Variants in PRSS38 observed in about 807,000 individuals in gnomAD.
PRSS38 encodes the protein marapsin 2.
Under a neutral mutation model 26.8 loss-of-function variants are expected in PRSS38, and 22 were observed. The ratio of observed to expected loss-of-function variants is 0.82; its 90% CI spans 0.59 to 1.17. The LOEUF (loss-of-function observed/expected upper bound fraction) is 1.17. Among genes scored for constraint, PRSS38 ranks in the 50% most tolerant of loss-of-function variants. The pLI, the probability that PRSS38 is intolerant of heterozygous loss-of-function variation, is 0.00. For missense variants in PRSS38, 427 were observed against 422.7 expected (o/e 1.01, Z -0.09); for synonymous variants, 175 against 172.1 (o/e 1.02, Z -0.13).
At chr1:227,821,726 A>G (rs1259535361) in intron 3 of PRSS38, among the ~76,000 whole-genome samples, 1 of 152,180 alleles carries the variant, frequency 6.6e-6, no homozygotes, top group Non-Finnish European at 1.5e-5. Context: ...GGATCCTTGT[A>G]CATGACTAGA....
chr1:227,815,742 G>C, exon 1 of PRSS38: 1 of 1,602,120 alleles, frequency 6.2e-7, no homozygotes, highest in Non-Finnish European at 8.5e-7. Flanking sequence ...TCCGTCATGG[G>C]CCCACTCGGG....
chr1:227,823,409 A>AT (rs1489453980), intron 3 of PRSS38, among the ~76,000 whole-genome samples: 1 of 151,344 alleles, frequency 6.6e-6, no homozygotes, highest in South Asian at 2.1e-4. Context: ...GTTTGGTTCT[A>AT]TTTTTTTTCT....
exon 1 of PRSS38, chr1:227,815,702 G>C: frequency 6.4e-6 from 10 of 1,564,096 alleles, no homozygotes; most frequent in Non-Finnish European, 7.8e-6. Context: ...CGCTGGGGGC[G>C]CTGCCTCGAG....
At chr1:227,825,336 CACATG>C (rs1277108950) in intron 3 of PRSS38, among the ~76,000 whole-genome samples, 2 of 152,158 alleles carry the variant, frequency 1.3e-5, no homozygotes, top group African/African-American at 4.8e-5. Context: ...GGATTACAGG[CACATG>C]CCACCACGCC....
chr1:227,824,229 C>T (rs914100486), intron 3 of PRSS38, among the ~76,000 whole-genome samples: 3 of 152,122 alleles, frequency 2.0e-5, no homozygotes, highest in African/African-American at 4.8e-5. Flanking sequence ...CCCTCTATCC[C>T]CCCAAACAGG....
At chr1:227,824,755 T>C (rs933709485) in intron 3 of PRSS38, among the ~76,000 whole-genome samples, 1 of 152,236 alleles carries the variant, frequency 6.6e-6, no homozygotes, top group African/African-American at 2.4e-5. Context: ...TTTTTAGTAA[T>C]AGCCATTCTG....
chr1:227,839,489 C>T (rs1282951475), intron 3 of PRSS38, among the ~76,000 whole-genome samples: 1 of 150,050 alleles, frequency 6.7e-6, no homozygotes, highest in Non-Finnish European at 1.5e-5. Context: ...AGGTATGTAA[C>T]CAGAGCAGGA....
rs773922049 is a variant in PRSS38, at chr1:227,815,760, C to A, written c.44C>A (p.Ala15Asp). ...GTCATGGGCCCACTCGGGCCCTCTG[C>A]CCTGGGCCTTCTGCTGCTGCTCCTG... Residue 15 changes from alanine (A) to aspartate (D), a missense_variant, in exon 1 of 5, where the codon GCC becomes GAC. Coordinates refer to ENST00000366757, the Ensembl canonical transcript of PRSS38. The A allele has an allele frequency of 4.3e-6, 7 of 1,611,214 alleles. No homozygotes were observed. The East Asian group carries it at 1.6e-4, about 36-fold the overall frequency.
chr1:227,831,710 G>A (rs1015857017), intron 3 of PRSS38, among the ~76,000 whole-genome samples: 1 of 152,048 alleles, frequency 6.6e-6, no homozygotes, highest in African/African-American at 2.4e-5. Flanking sequence ...AAATTAGCTG[G>A]GTGTGGTGGC....
At chr1:227,846,061 T>C (rs1665426490) in exon 5 of PRSS38, 2 of 1,614,230 alleles carry the variant, frequency 1.2e-6, no homozygotes, top group Non-Finnish European at 1.7e-6. Flanking sequence ...CTGGAGTGTA[T>C]GCCAGTGTTT....
intron 4 of PRSS38, 81 bp downstream of exon 4, chr1:227,845,693 C>G: frequency 1.3e-6 from 2 of 1,493,002 alleles, no homozygotes; most frequent in Non-Finnish European, 1.8e-6. Flanking sequence ...TCTGGCCTCC[C>G]ACTGACTAGC....
chr1:227,827,748 G>A (rs1429651623), intron 3 of PRSS38, among the ~76,000 whole-genome samples: 1 of 151,220 alleles, frequency 6.6e-6, no homozygotes, highest in Admixed American at 6.6e-5. Context: ...GGGGTTTTTT[G>A]CTCTTGGTTC....
At chr1:227,836,968 AT>A (rs1475493819) in intron 3 of PRSS38, among the ~76,000 whole-genome samples, 2 of 152,120 alleles carry the variant, frequency 1.3e-5, no homozygotes, top group African/African-American at 2.4e-5. Context: ...GTAGACAAAC[AT>A]TTTATTTATA....
intron 3 of PRSS38, among the ~76,000 whole-genome samples, chr1:227,842,419 A>T (rs11804881): frequency 0.2 from 31,023 of 151,992 alleles, 3,345 homozygotes; most frequent in East Asian, 0.28. Context: ...ATCAAAAAAA[A>T]ATTTACTCTA....
intron 3 of PRSS38, among the ~76,000 whole-genome samples, chr1:227,819,408 A>G (rs964295186): frequency 1.3e-5 from 2 of 152,182 alleles, no homozygotes; most frequent in Non-Finnish European, 2.9e-5. Flanking sequence ...ACAGGCTTTG[A>G]ATTCTTACAT....
chr1:227,845,684 C>A, intron 4 of PRSS38, 72 bp downstream of exon 4: 1 of 1,534,100 alleles, frequency 6.5e-7, no homozygotes, highest in Non-Finnish European at 8.9e-7. Flanking sequence ...GGACCCCACT[C>A]TGGCCTCCCA....
At position 227,815,723 on chromosome 1, in the gene PRSS38, G is replaced by A. The variant is rs1030382804; in HGVS notation, c.7G>A (p.Ala3Thr). The A allele has an allele frequency of 1.9e-6, 3 of 1,588,102 alleles. No individual in the cohort carries two copies. In the African/African-American group the frequency reaches 4.0e-5, roughly 21 times the overall value. Residue 3 changes from alanine to threonine, a missense_variant, in exon 1 of 5, where the codon GCC (alanine) becomes ACC (threonine). By Grantham distance (58) the Ala-to-Thr change is moderately conservative (BLOSUM62 0). Coordinates refer to ENST00000366757, the Ensembl canonical transcript of PRSS38. Reference sequence around the variant, plus strand: ...GGGCGCTGCCTCGAGCCTCATGGCTGCCCCTGCTTCCGTCATGGGCCCACT... The same window carrying A: ...GGGCGCTGCCTCGAGCCTCATGGCTACCCCTGCTTCCGTCATGGGCCCACT...
chr1:227,833,603 C>G (rs144969547), intron 3 of PRSS38, among the ~76,000 whole-genome samples: 3 of 151,796 alleles, frequency 2.0e-5, no homozygotes, highest in South Asian at 4.2e-4. Context: ...TAGTCAAAAT[C>G]GTGGGTTATG....
At chr1:227,837,529 G>A (rs543180433) in intron 3 of PRSS38, among the ~76,000 whole-genome samples, 3 of 151,510 alleles carry the variant, frequency 2.0e-5, no homozygotes, top group African/African-American at 7.3e-5. Flanking sequence ...TCAGTGTTTA[G>A]GTCATGTGAA....
Sources: gnomAD v4.1 joint callset for allele counts (sites outside exome capture counted in the v4.1 genomes callset) on GRCh38, gnomAD v4.1.1 for gene constraint, MANE v1.5 for transcripts, NCBI Gene and HGNC (gene_info 2026-07-23, HGNC 2026-07-21) for gene names.